The following B3GLCT variants were observed in gnomAD, a reference collection of about 807,000 sequenced individuals.
B3GLCT encodes beta 3-glucosyltransferase.
Under a neutral mutation model 63.4 loss-of-function variants are expected in B3GLCT, and 65 were observed. The ratio of observed to expected loss-of-function variants is 1.03; its 90% CI spans 0.84 to 1.26. The LOEUF (loss-of-function observed/expected upper bound fraction) is 1.26. B3GLCT is among the 50% of genes most tolerant of loss of function. The pLI is 0.00. For synonymous variants in B3GLCT, 233 were observed against 219.2 expected, an observed-to-expected ratio of 1.06 and a Z score of -0.55; for missense variants, 577 against 604.8, an observed-to-expected ratio of 0.95 and a Z score of 0.48.
In B3GLCT at chr13:31,247,070, T is replaced by G; in HGVS notation, c.318T>G (p.Gly106=). The change falls in exon 5 of 15, where the codon GGT becomes GGG. Residue 106 remains glycine, a synonymous_variant. Transcript: ENST00000343307. ...LLLHQLAKQE[G]AWTILPLLPH... ...TTCATCAGCTGGCTAAACAAGAAGG[T>G]GCATGGACCATACTTCCGTTGTTAC... 1 of 1,613,610 alleles carries G rather than the reference T, an allele frequency of 6.2e-7. No homozygotes were observed. The highest frequency in any genetic ancestry group is 8.5e-7 in the Non-Finnish European group (1 of 1,179,860).
At chr13:31,207,189 C>T (rs1217143067) in intron 1 of B3GLCT, among the ~76,000 whole-genome samples, 1 of 152,142 alleles carries the variant, frequency 6.6e-6, no homozygotes, top group Non-Finnish European at 1.5e-5. Flanking sequence ...TAATAAGATG[C>T]CCAAAAGTTA....
chr13:31,257,141 C>G (rs929933025), intron 6 of B3GLCT, among the ~76,000 whole-genome samples: 4 of 152,018 alleles, frequency 2.6e-5, no homozygotes, highest in African/African-American at 9.7e-5. Context: ...TAGCTGAATA[C>G]TGCAATTAAG....
At chr13:31,299,300 T>C (rs1344038576) in intron 12 of B3GLCT, among the ~76,000 whole-genome samples, 3 of 152,230 alleles carry the variant, frequency 2.0e-5, no homozygotes, top group Non-Finnish European at 4.4e-5. Context: ...TCTGTGCCCA[T>C]TGTTGGACAT....
At chr13:31,252,246 A>G (rs1017589838) in intron 6 of B3GLCT, among the ~76,000 whole-genome samples, 1 of 152,198 alleles carries the variant, frequency 6.6e-6, no homozygotes, top group Non-Finnish European at 1.5e-5. Flanking sequence ...AACAACCAGT[A>G]CCAGCCACTG....
At chr13:31,276,825 A>G in intron 10 of B3GLCT, 54 bp downstream of exon 10, 11 of 1,266,674 alleles carry the variant, frequency 8.7e-6, no homozygotes, top group Non-Finnish European at 1.3e-5. Flanking sequence ...CTACCTTCTA[A>G]AGAAAAGTAC....
chr13:31,220,432 A>G (rs1358319613), intron 2 of B3GLCT, among the ~76,000 whole-genome samples: 1 of 152,222 alleles, frequency 6.6e-6, no homozygotes, highest in East Asian at 1.9e-4. Flanking sequence ...GTTGACTTAT[A>G]AAACCTTGAC....
chr13:31,296,578 G>T (rs1290569424), intron 12 of B3GLCT, among the ~76,000 whole-genome samples: 2 of 152,044 alleles, frequency 1.3e-5, no homozygotes, highest in African/African-American at 2.4e-5. Flanking sequence ...AAATTTGGGG[G>T]GAACACAAAC....
chr13:31,295,318 T>C (rs2137896285), intron 12 of B3GLCT, among the ~76,000 whole-genome samples: 1 of 152,336 alleles, frequency 6.6e-6, no homozygotes, highest in African/African-American at 2.4e-5. Flanking sequence ...GGAGGGAGTC[T>C]GTCCCTTAGC....
chr13:31,259,459 A>C (rs995696456), intron 6 of B3GLCT, among the ~76,000 whole-genome samples: 1 of 151,888 alleles, frequency 6.6e-6, no homozygotes, highest in Admixed American at 6.6e-5. Flanking sequence ...CTGAACTCCA[A>C]CCTTGATCTC....
rs531015944 is a variant in B3GLCT at position 31,202,690 on chromosome 13, T to C, written c.70+2536T>C. On this transcript the variant is annotated intron_variant, in intron 1 of 14. Transcript: ENST00000343307. ...TTTAGAGATTGTTTGGTGGGGCTCC[T>C]GGTAAAGCTCATTCAAGGTGGCTGA... is the stretch of plus-strand genomic sequence containing the variant. 2.3e-3 allele frequency among the ~76,000 whole-genome samples: 349 copies of C among 152,288 alleles called. 1 individual carries two copies. The highest frequency in any genetic ancestry group is 4.4e-3 in the Non-Finnish European group (302 of 68,026).
chr13:31,248,454 T>C (rs1953539990), intron 6 of B3GLCT, among the ~76,000 whole-genome samples: 1 of 152,190 alleles, frequency 6.6e-6, no homozygotes, highest in Non-Finnish European at 1.5e-5. Flanking sequence ...GAAGCAGTTA[T>C]GGTTAGAAGG....
chr13:31,272,620 A>G (rs1872621725), intron 8 of B3GLCT, among the ~76,000 whole-genome samples: 1 of 151,998 alleles, frequency 6.6e-6, no homozygotes, highest in Non-Finnish European at 1.5e-5. Context: ...TCTGTACTTT[A>G]CTGATTATTT....
intron 4 of B3GLCT, among the ~76,000 whole-genome samples, chr13:31,239,281 A>G (rs1870813687): frequency 6.6e-6 from 1 of 152,168 alleles, no homozygotes; most frequent in Non-Finnish European, 1.5e-5. Context: ...GAGTTTGAAG[A>G]AGAGCTATTT....
intron 10 of B3GLCT, among the ~76,000 whole-genome samples, chr13:31,284,164 G>A (rs1188691246): frequency 6.6e-6 from 1 of 152,146 alleles, no homozygotes. Flanking sequence ...GTACAACATC[G>A]TAATATCAGT....
At chr13:31,328,445 G>A (rs568597762) in intron 14 of B3GLCT, among the ~76,000 whole-genome samples, 1 of 152,198 alleles carries the variant, frequency 6.6e-6, no homozygotes, top group South Asian at 2.1e-4. Context: ...TGCAACCTCA[G>A]CACTTTGGGA....
At chr13:31,329,377 T>C (rs1488022251) in intron 14 of B3GLCT, 124 bp from the exon 15 acceptor site, 1 of 1,138,218 alleles carries the variant, frequency 8.8e-7, no homozygotes, top group Admixed American at 1.8e-5. Context: ...CTTTTTGCTT[T>C]TAGATTCCTA....
intron 4 of B3GLCT, among the ~76,000 whole-genome samples, chr13:31,246,753 T>C (rs926414152): frequency 2.0e-5 from 3 of 152,060 alleles, no homozygotes; most frequent in African/African-American, 7.2e-5. Flanking sequence ...TCCTTGTAGG[T>C]CTTGAGCTCT....
At chr13:31,236,068 A>C (rs2137784774) in intron 4 of B3GLCT, among the ~76,000 whole-genome samples, 1 of 152,270 alleles carries the variant, frequency 6.6e-6, no homozygotes, top group Middle Eastern at 3.4e-3. Flanking sequence ...CATTTCACGT[A>C]TGCACCCCCA....
chr13:31,329,350 TA>T, intron 14 of B3GLCT, 150 bp from the exon 15 acceptor site: 2 of 829,460 alleles, frequency 2.4e-6, no homozygotes, highest in South Asian at 3.0e-5. Flanking sequence ...AGAAGAAAGA[TA>T]TCAGAAAATA....
Sources: gnomAD v4.1 joint callset for allele counts (sites outside exome capture counted in the v4.1 genomes callset) on GRCh38, gnomAD v4.1.1 for gene constraint, MANE v1.5 for transcripts, NCBI Gene and HGNC (gene_info 2026-07-23, HGNC 2026-07-21) for gene names.